Variants in LYST observed in about 807,000 individuals in gnomAD.
LYST encodes the protein lysosomal trafficking regulator, also known as lysosomal-trafficking regulator.
LYST carries 192 observed loss-of-function variants against 413.6 expected under a neutral mutation model. The ratio of observed to expected loss-of-function variants is 0.46; its 90% CI spans 0.41 to 0.52. The LOEUF is 0.52. Among genes scored for constraint, LYST ranks in the 20% least tolerant of loss-of-function variants. The pLI is 0.00. For missense variants in LYST, 3,815 were observed against 4,499.9 expected, an observed-to-expected ratio of 0.85 and a Z score of 4.35; for synonymous variants, 1,525 against 1,567.3, an observed-to-expected ratio of 0.97 and a Z score of 0.64.
chr1:235,743,252 A>C (rs574370562), intron 30 of LYST, among the ~76,000 whole-genome samples: 68 of 152,330 alleles, frequency 4.5e-4, no homozygotes, highest in Non-Finnish European at 9.4e-4. Flanking sequence ...GAAGCAGTAC[A>C]TTCAGAATTC....
rs1049192065 is a variant in LYST at position 235,791,750 on chromosome 1, T to C, written c.4492A>G (p.Lys1498Glu). ...ESTTEKGKKIKKRNKSLILPD... is the reference protein window; with the variant it reads ...ESTTEKGKKIEKRNKSLILPD... ...AAAATTAATGATTTGTTTCTTTTCT[T>C]TATCTTCTTTCCTTTTTCTGTAGTA... Residue 1498 changes from lysine (K) to glutamate (E), a missense_variant, in exon 12 of 53, where the codon AAG (lysine) becomes GAG (glutamate). By Grantham distance (56) the Lys-to-Glu change is moderately conservative. Transcript: ENST00000389793. 1 of 1,613,484 alleles carries C rather than the reference T, an allele frequency of 6.2e-7. No individual in the cohort carries two copies. The highest frequency in any genetic ancestry group is 1.3e-5 in the African/African-American group (1 of 74,910).
At chr1:235,665,391 C>T (rs975323421) in intron 50 of LYST, among the ~76,000 whole-genome samples, 1 of 151,814 alleles carries the variant, frequency 6.6e-6, no homozygotes, top group Admixed American at 6.6e-5. Context: ...GGGTGGATCA[C>T]CTGAAGTCAG....
In LYST at chr1:235,820,381, T is replaced by TA. The variant is rs202023487; in HGVS notation, c.193-7321_193-7320insT. ...TATTTCTTTTCTTTTCTTTCTTTTT[T>TA]TTTTTTGAGACAGGGTTTCACTCTG... On this transcript the variant is annotated intron_variant, in intron 3 of 52. Coordinates refer to ENST00000389793, the MANE Select transcript of LYST (RefSeq NM_000081.4). Among the ~76,000 whole-genome samples the TA allele has an allele frequency of 9.4e-3, 1,426 of 152,130 alleles. 29 individuals are homozygous for TA. Among genetic ancestry groups the TA allele is most frequent in the African/African-American group, 0.031 (1,301 of 41,486 alleles).
At chr1:235,776,996 T>C in intron 17 of LYST, 67 bp downstream of exon 17, 1 of 1,424,370 alleles carries the variant, frequency 7.0e-7, no homozygotes, top group Non-Finnish European at 9.8e-7. Context: ...CCAAAAGAAA[T>C]CCTTTAATTT....
intron 24 of LYST, among the ~76,000 whole-genome samples, chr1:235,756,828 T>C (rs1428432552): frequency 2.0e-5 from 3 of 152,292 alleles, no homozygotes; most frequent in Non-Finnish European, 2.9e-5. Context: ...GTTATTTTGA[T>C]AAGATCATCA....
chr1:235,876,351 G>C (rs745446281), intron 1 of LYST, among the ~76,000 whole-genome samples: 1 of 152,010 alleles, frequency 6.6e-6, no homozygotes, highest in Non-Finnish European at 1.5e-5. Flanking sequence ...TATTTCTATT[G>C]TTATTTTCTT....
chr1:235,670,676 A>G (rs1179398288), intron 50 of LYST, among the ~76,000 whole-genome samples: 2 of 152,208 alleles, frequency 1.3e-5, no homozygotes, highest in African/African-American at 2.4e-5. Flanking sequence ...GGGGCAGTGA[A>G]GTACTTCTTT....
intron 3 of LYST, among the ~76,000 whole-genome samples, chr1:235,821,803 T>C (rs1315184008): frequency 6.6e-6 from 1 of 152,238 alleles, no homozygotes; most frequent in Non-Finnish European, 1.5e-5. Context: ...TAGGCCGTAG[T>C]TTGCTCAGCC....
chr1:235,718,033 T>C (rs1663001879), intron 40 of LYST, among the ~76,000 whole-genome samples: 1 of 151,578 alleles, frequency 6.6e-6, no homozygotes, highest in Non-Finnish European at 1.5e-5. Context: ...CTGGCTAATT[T>C]TTGTATTTTT....
At chr1:235,726,664 A>AT (rs756383366) in intron 38 of LYST, among the ~76,000 whole-genome samples, 35 of 152,276 alleles carry the variant, frequency 2.3e-4, no homozygotes, top group Admixed American at 6.5e-4. Context: ...TGAAAAAAAA[A>AT]TTTTCCTCTT....
At chr1:235,693,591 A>G in intron 46 of LYST, 105 bp from the exon 47 acceptor site, 1 of 1,251,486 alleles carries the variant, frequency 8.0e-7, no homozygotes, top group Non-Finnish European at 1.2e-6. Context: ...AGCAGAACAT[A>G]TCATTTGGTG....
In LYST at chr1:235,715,375, T is replaced by C; in HGVS notation, c.9628-18A>G. On this transcript the variant is annotated intron_variant, in intron 41 of 52. Transcript: ENST00000389793. ...TCCAAGTACTGAAAGAAACGGTGAA[T>C]CCAGAGAATTCATGATTGTGGGCTC... 6.2e-7 allele frequency: 1 copy of C among 1,613,090 alleles called. No individual in the cohort carries two copies. The highest frequency in any genetic ancestry group is 8.5e-7 in the Non-Finnish European group (1 of 1,179,416).
intron 48 of LYST, among the ~76,000 whole-genome samples, chr1:235,683,764 GGAAAGCT>G (rs1447172711): frequency 3.3e-5 from 5 of 152,134 alleles, no homozygotes; most frequent in African/African-American, 1.2e-4. Flanking sequence ...CAGTGGGTCA[GGAAAGCT>G]GAAGAACAGA....
At chr1:235,677,350 TA>T in intron 49 of LYST, 129 bp downstream of exon 49, 1 of 1,156,240 alleles carries the variant, frequency 8.6e-7, no homozygotes, top group Admixed American at 1.8e-5. Flanking sequence ...GTAATCTTAC[TA>T]CCTTTAAGCA....
intron 43 of LYST, among the ~76,000 whole-genome samples, chr1:235,710,262 G>A (rs1463278267): frequency 2.0e-5 from 3 of 152,148 alleles, no homozygotes; most frequent in African/African-American, 7.2e-5. Context: ...ACATGGGATG[G>A]GGATGTGAGC....
chr1:235,788,403 G>A (rs1231795035), intron 13 of LYST, among the ~76,000 whole-genome samples: 2 of 151,940 alleles, frequency 1.3e-5, no homozygotes, highest in Non-Finnish European at 2.9e-5. Flanking sequence ...GGCCAGGCTG[G>A]TCTCAAACTC....
chr1:235,774,078 A>G, intron 18 of LYST, 87 bp from the exon 19 acceptor site: 2 of 887,948 alleles, frequency 2.3e-6, no homozygotes, highest in Non-Finnish European at 3.7e-6. Flanking sequence ...CAATTTTAGC[A>G]ATCATTAAAT....
chr1:235,714,431 T>G (rs887786983), intron 42 of LYST, among the ~76,000 whole-genome samples: 6 of 152,170 alleles, frequency 3.9e-5, no homozygotes, highest in Non-Finnish European at 8.8e-5. Context: ...GAGACAAACA[T>G]AGGAAAGCCC....
chr1:235,785,781 C>G (rs1670353487), intron 14 of LYST, among the ~76,000 whole-genome samples: 1 of 152,190 alleles, frequency 6.6e-6, no homozygotes, highest in Admixed American at 6.5e-5. Flanking sequence ...AATTCTCTAT[C>G]TTCTTTCATG....
Sources: gnomAD v4.1 joint callset for allele counts (sites outside exome capture counted in the v4.1 genomes callset) on GRCh38, gnomAD v4.1.1 for gene constraint, MANE v1.5 for transcripts, NCBI Gene and HGNC (gene_info 2026-07-23, HGNC 2026-07-21) for gene names.